Variants in FHL3 observed in about 807,000 individuals in gnomAD.
The protein encoded by FHL3 is four and a half LIM domains 3.
FHL3 carries 21 observed loss-of-function variants against 34.3 expected under a neutral mutation model. The observed-to-expected ratio is 0.61, with a 90% CI of 0.43 to 0.88. FHL3 has a LOEUF of 0.88. FHL3 is among the 40% of genes least tolerant of loss of function. The probability of loss-of-function intolerance (pLI) is 0.00; values close to 1 mark genes in which losing one functional copy is unlikely to be tolerated. For synonymous variants in FHL3, 137 were observed against 144.6 expected, an observed-to-expected ratio of 0.95 and a Z score of 0.38; for missense variants, 333 against 373.7, an observed-to-expected ratio of 0.89 and a Z score of 0.90.
chr1:38,000,105 T>G, intron 1 of FHL3, among the ~76,000 whole-genome samples: 1 of 152,238 alleles, frequency 6.6e-6, no homozygotes, highest in East Asian at 1.9e-4. Flanking sequence ...TCCTGCAAGC[T>G]GGACACAGCC....
At chr1:38,005,088 C>T (rs1646630513) in intron 1 of FHL3, among the ~76,000 whole-genome samples, 1 of 152,270 alleles carries the variant, frequency 6.6e-6, no homozygotes, top group Non-Finnish European at 1.5e-5. Flanking sequence ...CTGTCTCTCT[C>T]CGGCTTTTCT....
chr1:37,998,938 C>T (rs1331132186), intron 3 of FHL3, 36 bp downstream of exon 3: 1 of 1,603,010 alleles, frequency 6.2e-7, no homozygotes, highest in Non-Finnish European at 8.5e-7. Context: ...TACGCAGATG[C>T]CAGTTCTCAC....
chr1:38,004,491 T>C (rs1446792854), intron 1 of FHL3, among the ~76,000 whole-genome samples: 2 of 150,798 alleles, frequency 1.3e-5, no homozygotes, highest in Non-Finnish European at 2.9e-5. Flanking sequence ...CCACTTAGTC[T>C]CAGTTTCTGG....
At chr1:38,004,145 TG>T (rs1468161512) in intron 1 of FHL3, among the ~76,000 whole-genome samples, 2 of 152,152 alleles carry the variant, frequency 1.3e-5, no homozygotes, top group Non-Finnish European at 1.5e-5. Context: ...CCATGTGGCC[TG>T]GAAGTCAGAG....
At chr1:37,999,203 GC>G in intron 2 of FHL3, 53 bp downstream of exon 2, 2 of 1,613,742 alleles carry the variant, frequency 1.2e-6, no homozygotes, top group Non-Finnish European at 1.7e-6. Context: ...CCCATCCTTT[GC>G]CCCCTTCCAC....
rs77418439 is a variant in FHL3, at chr1:37,997,554, C to T, written c.694G>A (p.Gly232Ser). ...SSCKRPIVGL[G>S]GGKYVSFEDR... ...TCAAAGGACACATACTTGCCTCCAC[C>T]GAGTCCTGGAGGGAGGCTGGAAGTT... The change falls in exon 6 of 6, where the codon GGT (glycine) becomes AGT (serine). Residue 232 changes from glycine (G) to serine (S), a missense_variant. Coordinates refer to ENST00000373016, the MANE Select transcript of FHL3 (RefSeq NM_004468.5). The surrounding 1 kb of genome is among the most constrained non-coding windows in gnomAD (Gnocchi z 4.3). 3,309 of 1,613,698 alleles carry T rather than the reference C, an allele frequency of 2.1e-3. 8 individuals carry two copies. Among genetic ancestry groups the T allele is most frequent in the Non-Finnish European group, 2.6e-3 (3,072 of 1,179,830 alleles).
chr1:37,998,792 G>A, intron 3 of FHL3, 182 bp downstream of exon 3: 1 of 618,842 alleles, frequency 1.6e-6, no homozygotes, highest in Non-Finnish European at 2.8e-6. Flanking sequence ...GTGTCAATCT[G>A]CCTGTACATA....
At chr1:38,001,184 A>T (rs1646590319) in intron 1 of FHL3, among the ~76,000 whole-genome samples, 1 of 152,214 alleles carries the variant, frequency 6.6e-6, no homozygotes, top group Admixed American at 6.5e-5. Context: ...TTAGAGCTGG[A>T]ACTCCTGGGC....
Position 37,997,892 on chromosome 1 carries a change from G to A in FHL3, c.502-22C>T. ...GCGTCTGTGGGGGCAGCATCCATTA[G>A]TAGGTATGAGTGGGGATTCCCACCC... is the stretch of plus-strand genomic sequence containing the variant. On this transcript the variant is annotated intron_variant, in intron 4 of 5. Transcript: ENST00000373016. This position sits in a 1 kb window ranked among gnomAD's most constrained non-coding sequence, Gnocchi z 4.3. The A allele has an allele frequency of 6.2e-7, 1 of 1,613,658 alleles. No homozygotes were observed. The highest frequency in any genetic ancestry group is 1.3e-5 in the African/African-American group (1 of 75,020).
intron 1 of FHL3, among the ~76,000 whole-genome samples, chr1:38,002,290 G>A (rs1646603720): frequency 6.6e-6 from 1 of 151,952 alleles, no homozygotes; most frequent in African/African-American, 2.4e-5. Context: ...AGTAGAGACG[G>A]GGTTTCACTG....
intron 1 of FHL3, among the ~76,000 whole-genome samples, chr1:38,002,535 AT>A (rs35702463): frequency 0.46 from 48,987 of 106,694 alleles, 9,061 homozygotes; most frequent in East Asian, 0.76. Flanking sequence ...TGCCAGCCCA[AT>A]TTTTTTTTTT....
intron 1 of FHL3, 145 bp from the exon 2 acceptor site, chr1:37,999,577 G>T: frequency 1.4e-6 from 1 of 706,726 alleles, no homozygotes; most frequent in Non-Finnish European, 2.3e-6. Context: ...GGGAAGGGGT[G>T]CTTCTGGGAA....
Position 37,997,232 on chromosome 1 carries a change from G to T in FHL3, c.*173C>A. On this transcript the variant is annotated 3_prime_UTR_variant, in exon 6 of 6. Transcript: ENST00000373016. The surrounding 1 kb of genome is among the most constrained non-coding windows in gnomAD (Gnocchi z 4.3). ...GGCTCTGTAAGAGCCCAGGTTTGGG[G>T]CCCTGGGTCAGGGAGTACCAGTTTG... The T allele has an allele frequency of 5.9e-6, 4 of 672,452 alleles. No homozygotes were observed. The highest frequency in any genetic ancestry group is 5.5e-5 in the South Asian group (3 of 54,104). The allele number at this position is 672,452 out of a possible 1,614,324, so 41.7% of individuals were successfully genotyped here.
chr1:38,001,301 C>T (rs920423349), intron 1 of FHL3, among the ~76,000 whole-genome samples: 4 of 152,250 alleles, frequency 2.6e-5, no homozygotes, highest in Non-Finnish European at 5.9e-5. Context: ...GGGCTGTCAG[C>T]CACGGGGCAG....
At chr1:38,004,612 C>A (rs1646625502) in intron 1 of FHL3, among the ~76,000 whole-genome samples, 1 of 152,170 alleles carries the variant, frequency 6.6e-6, no homozygotes, top group African/African-American at 2.4e-5. Context: ...GGGGCCCATG[C>A]CTCTGTGGAT....
At chr1:38,000,954 C>T (rs1263735657) in intron 1 of FHL3, among the ~76,000 whole-genome samples, 1 of 152,182 alleles carries the variant, frequency 6.6e-6, no homozygotes, top group East Asian at 1.9e-4. Flanking sequence ...CCAGGGCCTG[C>T]CCTGGCTCAA....
At position 37,997,960 on chromosome 1, in the gene FHL3, C is replaced by A. The variant is rs766139864; in HGVS notation, c.501+3G>T. On this transcript the variant is annotated splice_donor_region_variant and intron_variant, in intron 4 of 5. Coordinates refer to ENST00000373016, the MANE Select transcript of FHL3 (RefSeq NM_004468.5). This position sits in a 1 kb window ranked among gnomAD's most constrained non-coding sequence, Gnocchi z 4.3. Reference sequence around the variant, plus strand: ...ACCCCCACCTGGCTGGCCCAGCCCCCACCTTGCTGCAGCGGGCGCAGCGAG... The same window carrying A: ...ACCCCCACCTGGCTGGCCCAGCCCCAACCTTGCTGCAGCGGGCGCAGCGAG... The A allele has an allele frequency of 4.3e-6, 7 of 1,613,638 alleles. No homozygotes were observed. Among genetic ancestry groups the A allele is most frequent in the African/African-American group, 1.3e-5 (1 of 74,806 alleles).
chr1:38,001,357 C>T (rs1029622965), intron 1 of FHL3, among the ~76,000 whole-genome samples: 12 of 152,256 alleles, frequency 7.9e-5, no homozygotes, highest in Non-Finnish European at 1.3e-4. Context: ...GTGCCTGGGC[C>T]TCTTCCTTCC....
At chr1:38,000,158 C>G (rs1044645490) in intron 1 of FHL3, among the ~76,000 whole-genome samples, 1 of 152,240 alleles carries the variant, frequency 6.6e-6, no homozygotes. Flanking sequence ...CCCCCACCCC[C>G]GCTGTGTCAC....
Sources: gnomAD v4.1 joint callset for allele counts (sites outside exome capture counted in the v4.1 genomes callset) on GRCh38, gnomAD v4.1.1 for gene constraint, Gnocchi (gnomAD v3.1) non-coding constraint, MANE v1.5 for transcripts, NCBI Gene and HGNC (gene_info 2026-07-23, HGNC 2026-07-21) for gene names.